The following NEMF variants were observed in gnomAD, a reference collection of about 807,000 sequenced individuals.
NEMF encodes the protein ribosome quality control complex subunit NEMF.
In NEMF, 89 loss-of-function variants were observed where a neutral mutation model predicts 162.2. That is an observed-to-expected ratio of 0.55 (90% CI 0.46 to 0.65). NEMF has a LOEUF of 0.65. Ranked by LOEUF, NEMF falls within the 30% of genes least tolerant of loss-of-function variation. The pLI, the probability that NEMF is intolerant of heterozygous loss-of-function variation, is 0.00. For synonymous variants in NEMF, 421 were observed against 404.5 expected (o/e 1.04, Z -0.49); for missense variants, 1,133 against 1,261.9 (o/e 0.90, Z 1.55).
intron 15 of NEMF, among the ~76,000 whole-genome samples, chr14:49,826,239 A>C (rs757370533): frequency 1.3e-5 from 2 of 152,192 alleles, no homozygotes; most frequent in Non-Finnish European, 2.9e-5. Context: ...CTAGATACTG[A>C]GTACCTATCA....
chr14:49,851,758 T>A (rs772661066), intron 2 of NEMF, 49 bp downstream of exon 2: 2 of 1,450,776 alleles, frequency 1.4e-6, no homozygotes, highest in Admixed American at 1.8e-5. Flanking sequence ...AAATCAGTAA[T>A]CTCATACTTA....
intron 26 of NEMF, among the ~76,000 whole-genome samples, chr14:49,792,493 T>G (rs964193169): frequency 7.2e-5 from 11 of 152,176 alleles, no homozygotes; most frequent in Admixed American, 3.3e-4. Context: ...ATTACAGGCA[T>G]GAGCCACCGT....
At chr14:49,840,444 A>T (rs1893142034) in intron 5 of NEMF, among the ~76,000 whole-genome samples, 1 of 139,394 alleles carries the variant, frequency 7.2e-6, no homozygotes. Flanking sequence ...CCTGAGCAAC[A>T]GAGCGAGACT....
At chr14:49,828,394 T>G in intron 14 of NEMF, 40 bp from the exon 15 acceptor site, 1 of 1,321,432 alleles carries the variant, frequency 7.6e-7, no homozygotes. Context: ...AGTATAATAT[T>G]TATTCTTCAG....
intron 25 of NEMF, among the ~76,000 whole-genome samples, chr14:49,798,802 G>T (rs1372546519): frequency 6.6e-6 from 1 of 152,136 alleles, no homozygotes; most frequent in Non-Finnish European, 1.5e-5. Flanking sequence ...AGCTACTCGG[G>T]AGGCTGAGGC....
intron 16 of NEMF, among the ~76,000 whole-genome samples, chr14:49,825,337 A>G (rs1160560015): frequency 6.6e-6 from 1 of 152,232 alleles, no homozygotes; most frequent in Non-Finnish European, 1.5e-5. Flanking sequence ...ATTAAGAAGT[A>G]GCAATATAAA....
At chr14:49,834,977 T>C (rs574571520) in intron 6 of NEMF, among the ~76,000 whole-genome samples, 1 of 152,282 alleles carries the variant, frequency 6.6e-6, no homozygotes, top group South Asian at 2.1e-4. Context: ...GGCAGGCAGA[T>C]CACCTGAGGT....
intron 16 of NEMF, among the ~76,000 whole-genome samples, chr14:49,816,241 A>G (rs1365455997): frequency 2.0e-5 from 3 of 152,220 alleles, no homozygotes; most frequent in Non-Finnish European, 4.4e-5. Context: ...GTTCCCAAAC[A>G]ATACTTTCAC....
chr14:49,803,766 C>T (rs1032186511), intron 19 of NEMF, among the ~76,000 whole-genome samples: 4 of 151,286 alleles, frequency 2.6e-5, no homozygotes, highest in African/African-American at 2.4e-5. Context: ...CCTCATGATC[C>T]GCCTGCCTCG....
At chr14:49,807,352 A>G (rs965103111) in intron 18 of NEMF, among the ~76,000 whole-genome samples, 2 of 152,226 alleles carry the variant, frequency 1.3e-5, no homozygotes, top group African/African-American at 2.4e-5. Flanking sequence ...ATATCTGCAA[A>G]CAAGTTTTGT....
intron 16 of NEMF, among the ~76,000 whole-genome samples, chr14:49,821,862 T>C (rs984176067): frequency 6.6e-6 from 1 of 152,002 alleles, no homozygotes; most frequent in African/African-American, 2.4e-5. Flanking sequence ...TTTTGTGGAA[T>C]AGAAAAGGGG....
chr14:49,851,704 T>C (rs912831529), intron 2 of NEMF, 39 bp from the exon 3 acceptor site: 2 of 1,548,686 alleles, frequency 1.3e-6, no homozygotes, highest in African/African-American at 1.4e-5. Context: ...TTAGGGTATA[T>C]GCCAAAGCTA....
chr14:49,848,816 A>G (rs935624128), intron 3 of NEMF, among the ~76,000 whole-genome samples: 2 of 144,778 alleles, frequency 1.4e-5, no homozygotes, highest in African/African-American at 5.1e-5. Context: ...GCCTGGTGAC[A>G]GAGCAAGACT....
chr14:49,794,814 G>T (rs1279377635), intron 26 of NEMF, among the ~76,000 whole-genome samples: 4 of 151,636 alleles, frequency 2.6e-5, no homozygotes, highest in African/African-American at 9.7e-5. Context: ...CGCCTCCTGG[G>T]TTCAAGCAAT....
chr14:49,800,306 A>G, intron 23 of NEMF, 114 bp downstream of exon 23: 1 of 828,228 alleles, frequency 1.2e-6, no homozygotes, highest in East Asian at 2.7e-5. Flanking sequence ...AAAAAGTATT[A>G]AGACAATGGA....
intron 28 of NEMF, among the ~76,000 whole-genome samples, chr14:49,788,016 C>T (rs978160548): frequency 6.6e-5 from 10 of 152,082 alleles, no homozygotes; most frequent in African/African-American, 2.2e-4. Flanking sequence ...ATGTGTCTTA[C>T]GCCTGTAATC....
At chr14:49,828,182 G>A in intron 15 of NEMF, 109 bp downstream of exon 15, 1 of 832,234 alleles carries the variant, frequency 1.2e-6, no homozygotes, top group Non-Finnish European at 2.0e-6. Flanking sequence ...AGTTAAGTTT[G>A]AAAGATACTT....
intron 29 of NEMF, chr14:49,785,889 C>CAA (rs5808514): frequency 0.91 from 112,941 of 124,128 alleles, 51,802 homozygotes; most frequent in South Asian, 0.98. Flanking sequence ...GACCCTGTCT[C>CAA]AAAAAAAAAA....
Position 49,782,155 on chromosome 14 carries a change from T to C in NEMF, c.*2481A>G. 1 of 516,218 alleles carries C rather than the reference T, an allele frequency of 1.9e-6. No individual in the cohort carries two copies. Among genetic ancestry groups the C allele is most frequent in the Non-Finnish European group, 3.4e-6 (1 of 292,672 alleles). The allele number at this position is 516,218 out of a possible 1,614,324, so 32.0% of individuals were successfully genotyped here. A position where few individuals can be genotyped will look rare whatever the true frequency, so the allele number is the denominator to read the frequency against. On this transcript the variant is annotated 3_prime_UTR_variant, in exon 33 of 33. Transcript: ENST00000298310. ...CAGTTCAAACTCCTCATTGCATAAA[T>C]GAGAACGACCAGAGAGAGAAAATAA...
Sources: allele counts gnomAD v4.1 joint callset (sites outside exome capture counted in the v4.1 genomes callset), GRCh38; gene constraint gnomAD v4.1.1; transcripts MANE v1.5; gene names NCBI Gene and HGNC (gene_info 2026-07-23, HGNC 2026-07-21).